Variants in ADAMTS12 observed in about 807,000 individuals in gnomAD.
ADAMTS12 encodes the protein A disintegrin and metalloproteinase with thrombospondin motifs 12.
In ADAMTS12, 118 loss-of-function variants were observed where a neutral mutation model predicts 167.8. The ratio of observed to expected loss-of-function variants is 0.70; its 90% CI spans 0.61 to 0.82. The LOEUF is 0.82. ADAMTS12 is among the 40% of genes least tolerant of loss of function. The pLI is 0.00. For missense variants in ADAMTS12, 1,916 were observed against 1,998.8 expected (o/e 0.96, Z 0.79); for synonymous variants, 704 against 716.9 (o/e 0.98, Z 0.29).
At chr5:33,546,792 C>T (rs1300780799) in intron 21 of ADAMTS12, among the ~76,000 whole-genome samples, 9 of 152,288 alleles carry the variant, frequency 5.9e-5, no homozygotes, top group Middle Eastern at 6.8e-3. Context: ...GATACATTAT[C>T]TCATTTGCAT....
At chr5:33,821,579 G>A (rs1198487179) in intron 2 of ADAMTS12, among the ~76,000 whole-genome samples, 2 of 152,110 alleles carry the variant, frequency 1.3e-5, no homozygotes, top group East Asian at 1.9e-4. Flanking sequence ...CTCTTGTCAC[G>A]ATCTTTTCCA....
At chr5:33,859,599 A>G (rs1428912481) in intron 2 of ADAMTS12, among the ~76,000 whole-genome samples, 2 of 152,160 alleles carry the variant, frequency 1.3e-5, no homozygotes, top group Non-Finnish European at 2.9e-5. Flanking sequence ...AGACTTAAAC[A>G]TTCCTGCCTG....
chr5:33,750,305 C>T (rs770625532), intron 3 of ADAMTS12, among the ~76,000 whole-genome samples: 1 of 152,208 alleles, frequency 6.6e-6, no homozygotes, highest in Non-Finnish European at 1.5e-5. Flanking sequence ...GTACAGAAAA[C>T]ATTTTAGACT....
At chr5:33,657,937 G>A (rs941009081) in intron 7 of ADAMTS12, among the ~76,000 whole-genome samples, 4 of 152,154 alleles carry the variant, frequency 2.6e-5, no homozygotes, top group African/African-American at 9.7e-5. Flanking sequence ...GAGAACTGGA[G>A]TGGCCTATTT....
intron 2 of ADAMTS12, among the ~76,000 whole-genome samples, chr5:33,813,888 A>G (rs1479368047): frequency 2.6e-5 from 4 of 152,330 alleles, no homozygotes; most frequent in Non-Finnish European, 4.4e-5. Flanking sequence ...TCAAATTACA[A>G]AAATAACATG....
Position 33,662,071 on chromosome 5 carries a change from G to C in ADAMTS12, c.916-31C>G, listed in dbSNP as rs763825442. The C allele has an allele frequency of 1.9e-6, 3 of 1,601,154 alleles. No individual in the cohort carries two copies. The African/African-American group carries it at 4.0e-5, about 21-fold the overall frequency. ...GAAAGAAGAGGAAGAGATTAGCATG[G>C]GAGAGCTCACTGTGGTCAGGGACCA... On this transcript the variant is annotated intron_variant, in intron 5 of 23. Coordinates refer to ENST00000504830, the MANE Select transcript of ADAMTS12 (RefSeq NM_030955.4).
intron 2 of ADAMTS12, among the ~76,000 whole-genome samples, chr5:33,791,995 C>CTTTTTTT (rs746021718): frequency 4.2e-5 from 5 of 119,364 alleles, no homozygotes; most frequent in African/African-American, 1.3e-4. Flanking sequence ...TGCTTTCACA[C>CTTTTTTT]TTTTTTTTTT....
At chr5:33,867,207 C>T (rs1436688882) in intron 2 of ADAMTS12, among the ~76,000 whole-genome samples, 2 of 152,126 alleles carry the variant, frequency 1.3e-5, no homozygotes, top group African/African-American at 2.4e-5. Context: ...ATGGAACCGA[C>T]CTAAGTGCCC....
intron 3 of ADAMTS12, among the ~76,000 whole-genome samples, chr5:33,702,499 G>A (rs1468435726): frequency 6.6e-6 from 1 of 152,032 alleles, no homozygotes; most frequent in Non-Finnish European, 1.5e-5. Flanking sequence ...CAAACAGAAG[G>A]TGTAACTTCC....
intron 2 of ADAMTS12, among the ~76,000 whole-genome samples, chr5:33,823,266 G>A (rs1259828063): frequency 6.6e-6 from 1 of 152,150 alleles, no homozygotes; most frequent in African/African-American, 2.4e-5. Context: ...CTGGTAACAT[G>A]AATGAGTGAA....
intron 20 of ADAMTS12, among the ~76,000 whole-genome samples, chr5:33,558,027 C>T (rs1745564508): frequency 6.6e-6 from 1 of 151,984 alleles, no homozygotes; most frequent in South Asian, 2.1e-4. Flanking sequence ...GGAAAACAAG[C>T]TCAGGGCTCC....
intron 20 of ADAMTS12, among the ~76,000 whole-genome samples, chr5:33,557,831 G>A (rs1465162046): frequency 6.6e-6 from 1 of 152,078 alleles, no homozygotes; most frequent in East Asian, 1.9e-4. Flanking sequence ...GCTCCCCATT[G>A]CTCACATTAC....
chr5:33,843,516 G>T (rs75771113), intron 2 of ADAMTS12, among the ~76,000 whole-genome samples: 3 of 152,164 alleles, frequency 2.0e-5, no homozygotes, highest in Non-Finnish European at 2.9e-5. Context: ...ATGGAGATGG[G>T]ATATTAATCA....
intron 3 of ADAMTS12, among the ~76,000 whole-genome samples, chr5:33,704,271 C>T (rs1018982044): frequency 2.0e-5 from 3 of 152,066 alleles, no homozygotes; most frequent in Non-Finnish European, 2.9e-5. Context: ...AGATCGCTTC[C>T]GTATCTTGGC....
chr5:33,582,910 A>G (rs1378647755), intron 18 of ADAMTS12, among the ~76,000 whole-genome samples: 2 of 152,370 alleles, frequency 1.3e-5, no homozygotes, highest in East Asian at 3.9e-4. Context: ...GTTTTGAAAC[A>G]GGCATGCAAT....
intron 22 of ADAMTS12, among the ~76,000 whole-genome samples, chr5:33,538,079 G>A (rs1399616315): frequency 3.9e-5 from 6 of 152,136 alleles, no homozygotes; most frequent in African/African-American, 1.4e-4. Flanking sequence ...CTCATGCCAT[G>A]TGTATTAGCC....
At chr5:33,619,798 G>A (rs542249983) in intron 14 of ADAMTS12, among the ~76,000 whole-genome samples, 27 of 152,220 alleles carry the variant, frequency 1.8e-4, no homozygotes, top group African/African-American at 6.3e-4. Flanking sequence ...GGGTTCAAGC[G>A]ATTCTCCTGC....
chr5:33,837,398 T>C (rs1330084332), intron 2 of ADAMTS12, among the ~76,000 whole-genome samples: 1 of 152,230 alleles, frequency 6.6e-6, no homozygotes, highest in Non-Finnish European at 1.5e-5. Flanking sequence ...TTGCTGCTTT[T>C]AATTACCTCT....
rs1749520780 is a variant in ADAMTS12, at chr5:33,859,364, T to A, written c.489+21755A>T. Among the ~76,000 whole-genome samples, 3 of 152,294 alleles carry A rather than the reference T, an allele frequency of 2.0e-5. No individual in the cohort carries two copies. In the South Asian group the frequency reaches 6.2e-4, roughly 32 times the overall value. On this transcript the variant is annotated intron_variant, in intron 2 of 23. Transcript: ENST00000504830. ...TCACTAAAGCTTGAGTAGGTGGTTT[T>A]CCCCTCACAGTGTAAACAAAGCTGC...
Sources: gnomAD v4.1 joint callset for allele counts (sites outside exome capture counted in the v4.1 genomes callset) on GRCh38, gnomAD v4.1.1 for gene constraint, MANE v1.5 for transcripts, NCBI Gene and HGNC (gene_info 2026-07-23, HGNC 2026-07-21) for gene names.